CAST: variants seen among roughly 807,000 people sequenced by gnomAD.
The protein encoded by CAST is MIR583 host.
In CAST, 76 loss-of-function variants were observed where a neutral mutation model predicts 119.6. The observed-to-expected ratio is 0.64, with a 90% confidence interval of 0.53 to 0.77. CAST has a LOEUF of 0.77. CAST is among the 30% of genes least tolerant of loss of function. The probability of loss-of-function intolerance (pLI) is 0.00; values close to 1 mark genes in which losing one functional copy is unlikely to be tolerated. For missense variants in CAST, 953 were observed against 946.5 expected (o/e 1.01, Z -0.09); for synonymous variants, 319 against 331.6 (o/e 0.96, Z 0.41).
the CAST span, among the ~76,000 whole-genome samples, chr5:96,501,176 G>C: frequency 1.3e-5 from 2 of 152,154 alleles, no homozygotes; most frequent in Non-Finnish European, 2.9e-5. Context: ...ATCAGACAAG[G>C]AAAGAGGTTA....
chr5:96,466,597 G>A, the CAST span, among the ~76,000 whole-genome samples: 2 of 151,780 alleles, frequency 1.3e-5, no homozygotes, highest in African/African-American at 4.8e-5. Flanking sequence ...TAAACAGGCA[G>A]ACAAACTAAG....
At chr5:96,744,975 T>A (rs1277952930) in intron 16 of CAST, among the ~76,000 whole-genome samples, 1 of 152,210 alleles carries the variant, frequency 6.6e-6, no homozygotes, top group Non-Finnish European at 1.5e-5. Flanking sequence ...TAGGCTCTTT[T>A]TTTTCGATGC....
chr5:96,274,054 G>C, the CAST span, among the ~76,000 whole-genome samples: 1 of 152,040 alleles, frequency 6.6e-6, no homozygotes, highest in Non-Finnish European at 1.5e-5. Flanking sequence ...TGGGAAAAGG[G>C]AGATGGAAGG....
At chr5:96,432,525 A>C in the CAST span, among the ~76,000 whole-genome samples, 1 of 152,188 alleles carries the variant, frequency 6.6e-6, no homozygotes, top group Non-Finnish European at 1.5e-5. Context: ...GGTTGGTAAG[A>C]GCTTGAGTGT....
chr5:96,629,238 T>C (rs757117186), intron 1 of CAST, among the ~76,000 whole-genome samples: 2 of 152,214 alleles, frequency 1.3e-5, no homozygotes, highest in Non-Finnish European at 2.9e-5. Context: ...GAGTGTTCGC[T>C]TCTACCTTCC....
At chr5:96,607,615 C>T (rs1373025075) in intron 1 of CAST, among the ~76,000 whole-genome samples, 2 of 152,174 alleles carry the variant, frequency 1.3e-5, no homozygotes, top group African/African-American at 4.8e-5. Flanking sequence ...TGTTTAAACA[C>T]GTATTTGTGC....
intron 1 of CAST, among the ~76,000 whole-genome samples, chr5:96,601,829 A>T (rs1747159507): frequency 6.6e-6 from 1 of 152,240 alleles, no homozygotes; most frequent in Non-Finnish European, 1.5e-5. Context: ...ATTTTATGTC[A>T]GCAGGGAAAG....
intron 1 of CAST, among the ~76,000 whole-genome samples, chr5:96,557,725 A>G (rs1311687826): frequency 1.3e-5 from 2 of 152,194 alleles, no homozygotes; most frequent in African/African-American, 4.8e-5. Flanking sequence ...GAGACCTACA[A>G]AGAAACTTAG....
chr5:96,123,659 G>A, the CAST span, among the ~76,000 whole-genome samples: 1 of 152,120 alleles, frequency 6.6e-6, no homozygotes, highest in African/African-American at 2.4e-5. Flanking sequence ...TTTTTACTGG[G>A]TACAACTGAA....
the CAST span, among the ~76,000 whole-genome samples, chr5:96,182,131 T>C: frequency 1.3e-5 from 2 of 152,244 alleles, no homozygotes; most frequent in Non-Finnish European, 2.9e-5. Context: ...TGAAATACTT[T>C]ATAAGTTTCT....
At chr5:96,364,061 G>A in the CAST span, among the ~76,000 whole-genome samples, 130 of 152,096 alleles carry the variant, frequency 8.5e-4, no homozygotes, top group Non-Finnish European at 1.5e-3. Flanking sequence ...GAATTTTGTC[G>A]AAGGCCTTTT....
At chr5:96,391,786 G>A in the CAST span, 3 of 152,162 alleles carry the variant, frequency 2.0e-5, no homozygotes, top group Non-Finnish European at 2.9e-5. Context: ...GAGGTTTTAT[G>A]TGAAACATCA....
intron 1 of CAST, among the ~76,000 whole-genome samples, chr5:96,589,828 C>A (rs187928325): frequency 6.6e-6 from 1 of 152,132 alleles, no homozygotes; most frequent in African/African-American, 2.4e-5. Flanking sequence ...GGTCTTTCTT[C>A]GATTATAAGA....
intron 1 of CAST, among the ~76,000 whole-genome samples, chr5:96,558,807 A>C (rs1746296830): frequency 6.6e-6 from 1 of 152,224 alleles, no homozygotes; most frequent in Non-Finnish European, 1.5e-5. Context: ...ATTCCTTCTG[A>C]AACTATTCCA....
At chr5:96,256,169 A>G in the CAST span, among the ~76,000 whole-genome samples, 4 of 149,358 alleles carry the variant, frequency 2.7e-5, no homozygotes, top group Non-Finnish European at 4.4e-5. Flanking sequence ...AGAACTGTAT[A>G]TTTATATTTA....
intron 1 of CAST, among the ~76,000 whole-genome samples, chr5:96,543,361 A>T (rs932024575): frequency 6.6e-6 from 1 of 152,158 alleles, no homozygotes; most frequent in South Asian, 2.1e-4. Context: ...GGAGGGGAAC[A>T]TCACACACTG....
chr5:96,617,554 C>G (rs763969930), intron 1 of CAST, among the ~76,000 whole-genome samples: 25 of 151,936 alleles, frequency 1.6e-4, no homozygotes, highest in Middle Eastern at 3.4e-3. Flanking sequence ...CTTTGGGAGG[C>G]CAAGGCGGGC....
chr5:96,334,011 A>C, the CAST span, among the ~76,000 whole-genome samples: 1 of 152,138 alleles, frequency 6.6e-6, no homozygotes, highest in Non-Finnish European at 1.5e-5. Flanking sequence ...CCCTCACTTC[A>C]ACACCCATTT....
At chr5:96,561,802 T>G (rs1314488718) in intron 1 of CAST, among the ~76,000 whole-genome samples, 2 of 97,888 alleles carry the variant, frequency 2.0e-5, no homozygotes, top group African/African-American at 4.3e-5. Context: ...TTTTGTTTTT[T>G]TTTTTTTTGA....
Sources: allele counts gnomAD v4.1 joint callset (sites outside exome capture counted in the v4.1 genomes callset), GRCh38; gene constraint gnomAD v4.1.1; transcripts MANE v1.5; gene names NCBI Gene and HGNC (gene_info 2026-07-23, HGNC 2026-07-21).